The following DNAH5 variants were observed in gnomAD, a reference collection of about 807,000 sequenced individuals.
DNAH5 encodes the protein axonemal beta dynein heavy chain 5.
A neutral mutation model predicts 518.2 loss-of-function variants in DNAH5; 372 were observed. The observed-to-expected ratio is 0.72, with a 90% CI of 0.66 to 0.78. DNAH5 has a LOEUF of 0.78. Ranked by LOEUF, DNAH5 falls within the 30% of genes least tolerant of loss-of-function variation. The pLI is 0.00. For synonymous variants in DNAH5, 2,039 were observed against 2,025.9 expected (o/e 1.01, Z -0.17); for missense variants, 5,523 against 5,687.0 (o/e 0.97, Z 0.93).
intron 1 of DNAH5, among the ~76,000 whole-genome samples, chr5:13,968,401 G>C (rs1266049479): frequency 6.6e-6 from 1 of 152,076 alleles, no homozygotes; most frequent in African/African-American, 2.4e-5. Context: ...AGTTCTCAGG[G>C]GGGAATGCTT....
chr5:13,735,961 G>T, intron 66 of DNAH5, 29 bp from the exon 67 acceptor site: 1 of 1,541,344 alleles, frequency 6.5e-7, no homozygotes, highest in Non-Finnish European at 9.0e-7. Flanking sequence ...GGTTGCATGT[G>T]CTACGAGAGA....
chr5:13,896,695 T>G (rs577294292), intron 15 of DNAH5: 1 of 152,332 alleles, frequency 6.6e-6, no homozygotes, highest in Non-Finnish European at 1.5e-5. Flanking sequence ...AATTAGTTGT[T>G]ATCAGAAGGA....
In DNAH5 at chr5:13,735,222, C is replaced by T. The variant is rs1209894286; in HGVS notation, c.11670G>A (p.Glu3890=). 1.2e-6 allele frequency: 2 copies of T among 1,614,114 alleles called. No homozygotes were observed. Among genetic ancestry groups the T allele is most frequent in the Non-Finnish European group, 1.7e-6 (2 of 1,179,994 alleles). The change falls in exon 68 of 79, where the codon GAG becomes GAA. Residue 3890 remains glutamate (E), a synonymous_variant. Coordinates refer to ENST00000265104, the MANE Select transcript of DNAH5 (RefSeq NM_001369.3). ...GCAACAAGGTGAACAGGAATTTGTG[C>T]TCCTCGTACAGCCCTCGGGCAGCAT... The part of the protein sequence containing the change: ...YKYAARGLYE[E]HKFLFTLLLT...
chr5:13,739,360 G>A (rs150374073), intron 65 of DNAH5, among the ~76,000 whole-genome samples: 1 of 152,238 alleles, frequency 6.6e-6, no homozygotes, highest in African/African-American at 2.4e-5. Context: ...TCAGCATCTG[G>A]CACTTCCCCT....
Position 13,735,265 on chromosome 5 carries a change from G to A in DNAH5, c.11627C>T (p.Thr3876Ile), listed in dbSNP as rs1333618347. The change falls in exon 68 of 79, where the codon ACC (threonine) becomes ATC (isoleucine). Residue 3876 changes from threonine (T) to isoleucine (I), a missense_variant. Transcript: ENST00000265104. ...KRIANIIEHM[T>I]YEVYKYAARG... ...GGCAGCATACTTATAAACCTCGTAG[G>A]TCATGTGCTCGATGATATTAGCAAT... is the stretch of plus-strand genomic sequence containing the variant. 5 of 1,614,082 alleles carry A rather than the reference G, an allele frequency of 3.1e-6. No individual in the cohort carries two copies. Among genetic ancestry groups the A allele is most frequent in the Middle Eastern group, 1.6e-4 (1 of 6,062 alleles).
At chr5:13,960,976 G>A (rs755402877) in intron 1 of DNAH5, among the ~76,000 whole-genome samples, 5 of 151,944 alleles carry the variant, frequency 3.3e-5, no homozygotes, top group Non-Finnish European at 7.4e-5. Context: ...ACCTTCTTCA[G>A]TATCCTGAAA....
At chr5:13,918,517 T>C (rs1315056628) in intron 7 of DNAH5, among the ~76,000 whole-genome samples, 2 of 152,324 alleles carry the variant, frequency 1.3e-5, no homozygotes, top group East Asian at 3.9e-4. Context: ...TCACCCAGGC[T>C]GGAGCGCAGT....
At chr5:13,957,022 T>A (rs1170538731) in intron 1 of DNAH5, among the ~76,000 whole-genome samples, 1 of 152,184 alleles carries the variant, frequency 6.6e-6, no homozygotes, top group Non-Finnish European at 1.5e-5. Context: ...AACAGACAGG[T>A]TTATCTAGCT....
chr5:13,846,467 C>T (rs1350669816), intron 31 of DNAH5, among the ~76,000 whole-genome samples: 1 of 152,128 alleles, frequency 6.6e-6, no homozygotes, highest in East Asian at 1.9e-4. Context: ...TGATGGCAAC[C>T]TCCCAGGGCA....
At chr5:13,964,744 G>A (rs1781418417) in intron 1 of DNAH5, among the ~76,000 whole-genome samples, 1 of 152,242 alleles carries the variant, frequency 6.6e-6, no homozygotes, top group Non-Finnish European at 1.5e-5. Context: ...GGGATACAAA[G>A]ATCTGAGGGT....
chr5:13,746,034 T>C (rs916706312), intron 65 of DNAH5, among the ~76,000 whole-genome samples: 1 of 152,168 alleles, frequency 6.6e-6, no homozygotes, highest in Non-Finnish European at 1.5e-5. Context: ...CTTTGACTTA[T>C]AAGACAACAT....
rs775214307 is a variant in DNAH5, at chr5:13,716,509, T to C, written c.12887A>G (p.Asp4296Gly). The change falls in exon 74 of 79, where the codon GAT becomes GGT. Residue 4296 changes from aspartate (D) to glycine (G), a missense_variant. Transcript: ENST00000265104. The stretch of plus-strand genomic sequence containing the variant: ...AACCTGGATATACTGAAGATAGTTA[T>C]CCACTGTGCTGCATTTTGGAATATT... ...GYNIPKCSTVDNYLQYIQSLP... is the reference protein window; with the variant it reads ...GYNIPKCSTVGNYLQYIQSLP... 7.4e-6 allele frequency: 12 copies of C among 1,613,598 alleles called. No homozygotes were observed. Among genetic ancestry groups the C allele is most frequent in the South Asian group, 1.1e-5 (1 of 91,070 alleles).
rs375970978 is a variant in DNAH5, at chr5:13,826,679, T to C, written c.6445-2346A>G. Among the ~76,000 whole-genome samples the C allele has an allele frequency of 9.2e-5, 14 of 152,318 alleles. No individual in the cohort carries two copies. In the East Asian group the frequency reaches 2.1e-3, roughly 23 times the overall value. ...GTGATTCAATTAAACCTCTTTCCTTTGTAAATTACCCAGTCTCAGGTATGT... is the reference window on the plus strand; with the variant it reads ...GTGATTCAATTAAACCTCTTTCCTTCGTAAATTACCCAGTCTCAGGTATGT... On this transcript the variant is annotated intron_variant, in intron 38 of 78. Coordinates refer to ENST00000265104, the MANE Select transcript of DNAH5 (RefSeq NM_001369.3).
Position 13,794,655 on chromosome 5 carries a change from C to T in DNAH5, c.7888-597G>A, listed in dbSNP as rs867595984. Among the ~76,000 whole-genome samples the T allele has an allele frequency of 3.9e-5, 6 of 152,160 alleles. No individual in the cohort carries two copies. The South Asian group carries it at 6.2e-4, about 16-fold the overall frequency. On this transcript the variant is annotated intron_variant, in intron 47 of 78. Transcript: ENST00000265104. Reference sequence around the variant, plus strand: ...GCTTAGGCAGTGCAAGAGAAGACCACGCTGCACTCTGTAAAAAACCTTCCT... The same window carrying T: ...GCTTAGGCAGTGCAAGAGAAGACCATGCTGCACTCTGTAAAAAACCTTCCT...
In DNAH5 at chr5:13,885,050, T is replaced by C. The variant is rs1772206076; in HGVS notation, c.2922A>G (p.Thr974=). Residue 974 remains threonine, a synonymous_variant, in exon 19 of 79, where the codon ACA becomes ACG. Coordinates refer to ENST00000265104, the MANE Select transcript of DNAH5 (RefSeq NM_001369.3). ...TGCGAATGGCCTCTAGTGTATTCCT[T>C]GTAACTTTCAGAAGAGCATCCATGT... ...HQNMDALLKV[T]RNTLEAIRKR... 29 of 1,614,202 alleles carry C rather than the reference T, an allele frequency of 1.8e-5. No individual in the cohort carries two copies. In the East Asian group the frequency reaches 6.2e-4, roughly 35 times the overall value.
chr5:13,841,683 T>C lies in DNAH5; in HGVS notation c.5484+9A>G. ...TACAAAACATACTTTCAAATTTCAA[T>C]ACACTGACCTGAGCAGGGAAGGATG... On this transcript the variant is annotated intron_variant, in intron 33 of 78. Coordinates refer to ENST00000265104, the MANE Select transcript of DNAH5 (RefSeq NM_001369.3). 1 of 1,599,858 alleles carries C rather than the reference T, an allele frequency of 6.3e-7. No homozygotes were observed. Among genetic ancestry groups the C allele is most frequent in the Non-Finnish European group, 8.6e-7 (1 of 1,167,020 alleles).
intron 1 of DNAH5, among the ~76,000 whole-genome samples, chr5:13,982,932 C>T (rs1450252936): frequency 6.6e-6 from 1 of 152,220 alleles, no homozygotes; most frequent in East Asian, 1.9e-4. Flanking sequence ...CTTAGAATCC[C>T]TCCACAACCT....
rs1302453226 is a variant in DNAH5, at chr5:13,862,767, T to C, written c.4597-20A>G. Reference sequence around the variant, plus strand: ...GATGTCCTATCAAAATGGCAAGCTCTCATGTTATTGCATGAAAGTCACACG... The same window carrying C: ...GATGTCCTATCAAAATGGCAAGCTCCCATGTTATTGCATGAAAGTCACACG... On this transcript the variant is annotated intron_variant, in intron 28 of 78. Coordinates refer to ENST00000265104, the MANE Select transcript of DNAH5 (RefSeq NM_001369.3). The C allele has an allele frequency of 1.2e-6, 2 of 1,602,022 alleles. No homozygotes were observed. The highest frequency in any genetic ancestry group is 1.7e-6 in the Non-Finnish European group (2 of 1,171,452).
At chr5:13,898,803 T>C in intron 15 of DNAH5, 1 of 393,782 alleles carries the variant, frequency 2.5e-6, no homozygotes, top group East Asian at 3.6e-5. Flanking sequence ...ATGGTTTCCA[T>C]GTTGTCAGAT....
Sources: gnomAD v4.1 joint callset for allele counts (sites outside exome capture counted in the v4.1 genomes callset) on GRCh38, gnomAD v4.1.1 for gene constraint, MANE v1.5 for transcripts, NCBI Gene and HGNC (gene_info 2026-07-23, HGNC 2026-07-21) for gene names.